The following LHFPL2 variants were observed in gnomAD, a reference collection of about 807,000 sequenced individuals.
LHFPL2 encodes the protein LHFPL tetraspan subfamily member 2.
In LHFPL2, 7 loss-of-function variants were observed where a neutral mutation model predicts 17.5. That is an observed-to-expected ratio of 0.40 (90% CI 0.23 to 0.75). LHFPL2 has a LOEUF of 0.75. LHFPL2 is among the 30% of genes least tolerant of loss of function. LHFPL2 has a pLI of 0.37. For missense variants in LHFPL2, 241 were observed against 294.8 expected, an observed-to-expected ratio of 0.82 and a Z score of 1.34; for synonymous variants, 134 against 116.2, an observed-to-expected ratio of 1.15 and a Z score of -0.99.
intron 2 of LHFPL2, among the ~76,000 whole-genome samples, chr5:78,613,382 G>T (rs1410849108): frequency 1.3e-5 from 2 of 152,158 alleles, no homozygotes; most frequent in Non-Finnish European, 2.9e-5. Flanking sequence ...TCACAGCATT[G>T]TATGGTGAGA....
chr5:78,620,400 A>C (rs1174258514), intron 2 of LHFPL2, among the ~76,000 whole-genome samples: 1 of 151,820 alleles, frequency 6.6e-6, no homozygotes, highest in Non-Finnish European at 1.5e-5. Context: ...TATTTTTTTA[A>C]ATTTATTCAA....
chr5:78,621,260 T>C (rs1301502428), intron 2 of LHFPL2, among the ~76,000 whole-genome samples: 1 of 152,182 alleles, frequency 6.6e-6, no homozygotes, highest in Non-Finnish European at 1.5e-5. Flanking sequence ...TATGCATGGA[T>C]GCAGGCAAAC....
intron 2 of LHFPL2, among the ~76,000 whole-genome samples, chr5:78,578,210 T>G (rs1048157778): frequency 1.4e-4 from 22 of 152,226 alleles, no homozygotes; most frequent in African/African-American, 5.3e-4. Context: ...AGAGGATCAA[T>G]GTAAAGATAG....
chr5:78,576,322 T>C (rs1757135464), intron 2 of LHFPL2, among the ~76,000 whole-genome samples: 1 of 150,642 alleles, frequency 6.6e-6, no homozygotes. Flanking sequence ...AAATTTTTAC[T>C]CAAAAAAGAA....
intron 4 of LHFPL2, 79 bp from the exon 5 acceptor site, chr5:78,489,232 A>T: frequency 6.5e-7 from 1 of 1,548,392 alleles, no homozygotes. Flanking sequence ...TTGTTACTTG[A>T]TTTGCTTGCT....
At chr5:78,582,178 CTTT>C (rs1283894390) in intron 2 of LHFPL2, among the ~76,000 whole-genome samples, 1 of 152,090 alleles carries the variant, frequency 6.6e-6, no homozygotes, top group Non-Finnish European at 1.5e-5. Context: ...ATTCTTCTCT[CTTT>C]TTTTATTAGT....
chr5:78,567,299 A>G (rs980709740), intron 2 of LHFPL2, among the ~76,000 whole-genome samples: 1 of 152,262 alleles, frequency 6.6e-6, no homozygotes. Flanking sequence ...CCACCAGAGT[A>G]GTCAGGAAGA....
intron 1 of LHFPL2, among the ~76,000 whole-genome samples, chr5:78,638,161 T>C (rs1745524865): frequency 6.6e-6 from 1 of 152,140 alleles, no homozygotes; most frequent in Admixed American, 6.5e-5. Flanking sequence ...GAGACCATCC[T>C]GGCTAACATG....
chr5:78,491,671 G>C (rs1443686786), intron 4 of LHFPL2, among the ~76,000 whole-genome samples: 1 of 152,146 alleles, frequency 6.6e-6, no homozygotes, highest in Admixed American at 6.5e-5. Flanking sequence ...CCCTGTATGA[G>C]CTGAGTGACC....
At chr5:78,585,320 T>C (rs1479774552) in intron 2 of LHFPL2, among the ~76,000 whole-genome samples, 3 of 144,760 alleles carry the variant, frequency 2.1e-5, no homozygotes, top group African/African-American at 7.5e-5. Flanking sequence ...TGCGCTGTTT[T>C]TTAAGCCCGT....
In LHFPL2 at chr5:78,639,227, T is replaced by TA. The variant is rs11430974; in HGVS notation, c.-349-6860dup. Reference sequence around the variant, plus strand: ...CCTCTTCACCCATACTGTCCCTGACTACAGCTCTTTTTGGCTTGGTAACAT... The same window carrying TA: ...CCTCTTCACCCATACTGTCCCTGACTAACAGCTCTTTTTGGCTTGGTAACAT... On this transcript the variant is annotated intron_variant, in intron 1 of 4. Coordinates refer to ENST00000380345, the MANE Select transcript of LHFPL2 (RefSeq NM_005779.3). Among the ~76,000 whole-genome samples, 801 of 152,360 alleles carry TA rather than the reference T, an allele frequency of 5.3e-3. 6 individuals are homozygous for TA. The highest frequency in any genetic ancestry group is 0.018 in the African/African-American group (731 of 41,584).
intron 3 of LHFPL2, among the ~76,000 whole-genome samples, chr5:78,512,346 C>G (rs1467159820): frequency 6.6e-6 from 1 of 150,952 alleles, no homozygotes; most frequent in Non-Finnish European, 1.5e-5. Context: ...ATTGGATATA[C>G]CTTCTGGCTG....
At chr5:78,614,368 G>T (rs1260342444) in intron 2 of LHFPL2, among the ~76,000 whole-genome samples, 3 of 152,246 alleles carry the variant, frequency 2.0e-5, no homozygotes, top group African/African-American at 7.2e-5. Context: ...AAGGGTGGGA[G>T]ATGGCAAGAA....
intron 2 of LHFPL2, among the ~76,000 whole-genome samples, chr5:78,578,100 G>A (rs1204669703): frequency 1.3e-5 from 2 of 152,172 alleles, no homozygotes; most frequent in African/African-American, 4.8e-5. Context: ...CAAACACCAG[G>A]ATAACTGAGT....
intron 4 of LHFPL2, among the ~76,000 whole-genome samples, chr5:78,500,207 A>C (rs147671478): frequency 9.5e-4 from 145 of 152,350 alleles, no homozygotes; most frequent in African/African-American, 3.3e-3. Flanking sequence ...GGCAATGAGC[A>C]TCTCAGTCCC....
chr5:78,550,734 C>T (rs1015059228), intron 3 of LHFPL2, among the ~76,000 whole-genome samples: 1 of 152,024 alleles, frequency 6.6e-6, no homozygotes, highest in African/African-American at 2.4e-5. Flanking sequence ...CCAGGCTCGG[C>T]TAATTTTTGT....
chr5:78,508,729 C>T (rs925753240), intron 4 of LHFPL2, among the ~76,000 whole-genome samples: 3 of 152,188 alleles, frequency 2.0e-5, no homozygotes, highest in African/African-American at 7.2e-5. Flanking sequence ...CCTGTGCACA[C>T]AGCTCTAGAA....
chr5:78,566,710 G>A (rs530826948), intron 2 of LHFPL2, among the ~76,000 whole-genome samples: 10 of 152,250 alleles, frequency 6.6e-5, no homozygotes, highest in Non-Finnish European at 7.4e-5. Context: ...CACCCGCCCC[G>A]GCCTCCCAAA....
intron 2 of LHFPL2, among the ~76,000 whole-genome samples, chr5:78,571,996 T>C (rs1365890272): frequency 6.6e-6 from 1 of 152,110 alleles, no homozygotes. Flanking sequence ...TAAATATCAG[T>C]TGATGAATAC....
Sources: gnomAD v4.1 joint callset for allele counts (sites outside exome capture counted in the v4.1 genomes callset) on GRCh38, gnomAD v4.1.1 for gene constraint, MANE v1.5 for transcripts, NCBI Gene and HGNC (gene_info 2026-07-23, HGNC 2026-07-21) for gene names.